Variants in DRC11 observed in about 807,000 individuals in gnomAD.
The protein encoded by DRC11 is IQ and AAA domain-containing protein 1.
the DRC11 span, among the ~76,000 whole-genome samples, chr2:236,365,319 G>T: frequency 3.3e-5 from 5 of 152,038 alleles, no homozygotes; most frequent in African/African-American, 1.2e-4. This position sits in a 1 kb window ranked among gnomAD's most constrained non-coding sequence, Gnocchi z 7.4. Context: ...TGCTCCCCGC[G>T]GAGGACTCAG....
the DRC11 span, among the ~76,000 whole-genome samples, chr2:236,495,824 G>T: frequency 5.3e-5 from 8 of 152,128 alleles, no homozygotes; most frequent in African/African-American, 1.9e-4. This position sits in a 1 kb window ranked among gnomAD's most constrained non-coding sequence, Gnocchi z 5.6. Context: ...CTGCACGAAG[G>T]CTTCCTGGAT....
chr2:236,390,556 C>T, the DRC11 span, among the ~76,000 whole-genome samples: 1 of 152,170 alleles, frequency 6.6e-6, no homozygotes, highest in Non-Finnish European at 1.5e-5. This position sits in a 1 kb window ranked among gnomAD's most constrained non-coding sequence, Gnocchi z 5.9. Context: ...TTACAAGTTG[C>T]TGTGTAACTT....
At chr2:236,504,657 A>C in the DRC11 span, among the ~76,000 whole-genome samples, 1 of 151,944 alleles carries the variant, frequency 6.6e-6, no homozygotes, top group East Asian at 1.9e-4. This position sits in a 1 kb window ranked among gnomAD's most constrained non-coding sequence, Gnocchi z 5.0. Flanking sequence ...TCCCGACCCA[A>C]ATCTCATCTT....
chr2:236,488,168 A>C, the DRC11 span: 1 of 1,603,148 alleles, frequency 6.2e-7, no homozygotes, highest in Non-Finnish European at 8.5e-7. Context: ...CCTCATCGAA[A>C]GGGATACTCT....
chr2:236,475,736 T>C, the DRC11 span, among the ~76,000 whole-genome samples: 1 of 152,200 alleles, frequency 6.6e-6, no homozygotes. This position sits in a 1 kb window ranked among gnomAD's most constrained non-coding sequence, Gnocchi z 4.8. Flanking sequence ...TGTACTTTGA[T>C]TTGATTTTGT....
the DRC11 span, among the ~76,000 whole-genome samples, chr2:236,505,719 C>T: frequency 1.3e-5 from 2 of 152,152 alleles, no homozygotes; most frequent in African/African-American, 4.8e-5. Context: ...CCTACCTGTT[C>T]CATTGTTAAG....
the DRC11 span, chr2:236,331,782 C>G: frequency 6.8e-6 from 4 of 591,080 alleles, no homozygotes; most frequent in Admixed American, 1.2e-4. This position sits in a 1 kb window ranked among gnomAD's most constrained non-coding sequence, Gnocchi z 4.8. Context: ...AATTTTCAAC[C>G]ATAAGCCATA....
chr2:236,402,073 C>T, the DRC11 span, among the ~76,000 whole-genome samples: 2,817 of 152,312 alleles, frequency 0.018, 86 homozygotes, highest in African/African-American at 0.064. This position sits in a 1 kb window ranked among gnomAD's most constrained non-coding sequence, Gnocchi z 6.0. Context: ...AGTGCGTGCC[C>T]CAGGTGGCTG....
the DRC11 span, among the ~76,000 whole-genome samples, chr2:236,400,037 C>G: frequency 6.6e-6 from 1 of 152,196 alleles, no homozygotes; most frequent in Non-Finnish European, 1.5e-5. The surrounding 1 kb of genome is among the most constrained non-coding windows in gnomAD (Gnocchi z 7.9). Context: ...TTCTCATGCT[C>G]TCACTCCTTC....
chr2:236,441,844 C>T, the DRC11 span, among the ~76,000 whole-genome samples: 2 of 152,174 alleles, frequency 1.3e-5, no homozygotes, highest in African/African-American at 4.8e-5. Context: ...GGTTCCCAAA[C>T]TTTTGGCCTC....
At chr2:236,309,397 C>T in the DRC11 span, among the ~76,000 whole-genome samples, 8 of 152,108 alleles carry the variant, frequency 5.3e-5, no homozygotes, top group Non-Finnish European at 1.0e-4. The surrounding 1 kb of genome is among the most constrained non-coding windows in gnomAD (Gnocchi z 5.7). Flanking sequence ...GTTCCAGGGT[C>T]CCAAGGAAGA....
chr2:236,451,872 C>T, the DRC11 span, among the ~76,000 whole-genome samples: 1 of 152,094 alleles, frequency 6.6e-6, no homozygotes, highest in African/African-American at 2.4e-5. Flanking sequence ...GGTTAGTTTT[C>T]CTCTCTGCAG....
At chr2:236,488,202 C>T in the DRC11 span, 2 of 1,557,514 alleles carry the variant, frequency 1.3e-6, no homozygotes, top group South Asian at 1.2e-5. Context: ...CTGCAAAAAA[C>T]AGTCAAGATA....
chr2:236,487,034 T>C, the DRC11 span: 6 of 639,866 alleles, frequency 9.4e-6, no homozygotes, highest in African/African-American at 3.7e-5. Context: ...ATGTGTGTGC[T>C]GATGGAATAT....
the DRC11 span, chr2:236,486,815 TA>T: frequency 1.0e-5 from 16 of 1,581,452 alleles, no homozygotes; most frequent in Non-Finnish European, 1.4e-5. This position sits in a 1 kb window ranked among gnomAD's most constrained non-coding sequence, Gnocchi z 5.7. Context: ...TGCTATCTCT[TA>T]AAAAAAACTT....
chr2:236,429,746 T>A, the DRC11 span, among the ~76,000 whole-genome samples: 1 of 152,006 alleles, frequency 6.6e-6, no homozygotes, highest in African/African-American at 2.4e-5. This position sits in a 1 kb window ranked among gnomAD's most constrained non-coding sequence, Gnocchi z 5.9. Flanking sequence ...GTGCTCACTG[T>A]GGCAGGAGCA....
the DRC11 span, among the ~76,000 whole-genome samples, chr2:236,394,697 G>C: frequency 6.6e-6 from 1 of 152,156 alleles, no homozygotes; most frequent in Non-Finnish European, 1.5e-5. The surrounding 1 kb of genome is among the most constrained non-coding windows in gnomAD (Gnocchi z 7.0). Context: ...GGGCAGAAGG[G>C]GTTGTCTGCC....
At chr2:236,497,094 C>T in the DRC11 span, 3 of 1,185,668 alleles carry the variant, frequency 2.5e-6, no homozygotes, top group Non-Finnish European at 3.5e-6. The surrounding 1 kb of genome is among the most constrained non-coding windows in gnomAD (Gnocchi z 5.1). Context: ...GTATCGTGTA[C>T]AGATATCGGG....
the DRC11 span, among the ~76,000 whole-genome samples, chr2:236,389,153 A>G: frequency 6.6e-6 from 1 of 152,208 alleles, no homozygotes; most frequent in Non-Finnish European, 1.5e-5. Flanking sequence ...GAGCCTACAG[A>G]GGCAGGCACG....
Sources: allele counts gnomAD v4.1 joint callset (sites outside exome capture counted in the v4.1 genomes callset), GRCh38; gene constraint gnomAD v4.1.1; non-coding constraint Gnocchi (gnomAD v3.1); transcripts MANE v1.5; gene names NCBI Gene and HGNC (gene_info 2026-07-23, HGNC 2026-07-21).